ATCAY: variants seen among roughly 807,000 people sequenced by gnomAD.
ATCAY encodes ATCAY kinesin light chain interacting caytaxin, also known as caytaxin.
In ATCAY, 22 loss-of-function variants were observed where a neutral mutation model predicts 47.7. That is an observed-to-expected ratio of 0.46 (90% confidence interval 0.33 to 0.66). The LOEUF is 0.66. ATCAY is among the 30% of genes least tolerant of loss of function. The pLI is 0.02. For synonymous variants in ATCAY, 216 were observed against 207.6 expected (o/e 1.04, Z -0.35); for missense variants, 452 against 515.0 (o/e 0.88, Z 1.18).
chr19:3,925,033 G>C lies in ATCAY; in HGVS notation c.*441G>C, dbSNP rs117035326. The C allele has an allele frequency of 4.3e-3, 702 of 163,536 alleles. 4 individuals are homozygous for C. The highest frequency in any genetic ancestry group is 0.013 in the South Asian group (79 of 5,990). The allele number at this position is 163,536 out of a possible 1,614,324, so 10.1% of individuals were successfully genotyped here. A position where few individuals can be genotyped will look rare whatever the true frequency, so the allele number is the denominator to read the frequency against. On this transcript the variant is annotated 3_prime_UTR_variant, in exon 13 of 13. Transcript: ENST00000450849. This position sits in a 1 kb window ranked among gnomAD's most constrained non-coding sequence, Gnocchi z 4.4. ...CCACCGCCACCCCGGCTGGGTCTGC[G>C]TCCTTTCCTGTGCCTTTCCCTCCAG...
Position 3,907,609 on chromosome 19 carries a change from G to T in ATCAY, c.359-125G>T. The T allele has an allele frequency of 8.5e-7, 1 of 1,171,126 alleles. No homozygotes were observed. Among genetic ancestry groups the T allele is most frequent in the Non-Finnish European group, 1.2e-6 (1 of 827,128 alleles). The allele number at this position is 1,171,126 out of a possible 1,614,324, so 72.5% of individuals were successfully genotyped here. ...ATGGGTCAGCAGGGCAGCCAGGTGG[G>T]GAGAAGCGAAGGACTTGTGGGTCCC... On this transcript the variant is annotated intron_variant, in intron 4 of 12. Transcript: ENST00000450849. This position sits in a 1 kb window ranked among gnomAD's most constrained non-coding sequence, Gnocchi z 5.1.
Position 3,907,136 on chromosome 19 carries a change from A to G in ATCAY, c.359-598A>G, listed in dbSNP as rs1568448925. 6.7e-6 allele frequency among the ~76,000 whole-genome samples: 1 copy of G among 148,700 alleles called. No homozygotes were observed. Among genetic ancestry groups the G allele is most frequent in the Admixed American group, 6.7e-5 (1 of 14,978 alleles). ...GCGATGGAACAAGACTCTCTCAAAA[A>G]AAAAAAAGAAAGAAAAAAAAAAATT... On this transcript the variant is annotated intron_variant, in intron 4 of 12. Transcript: ENST00000450849. The surrounding 1 kb of genome is among the most constrained non-coding windows in gnomAD (Gnocchi z 5.1).
At chr19:3,892,936 C>T (rs1041391265) in intron 2 of ATCAY, among the ~76,000 whole-genome samples, 1 of 152,082 alleles carries the variant, frequency 6.6e-6, no homozygotes, top group African/African-American at 2.4e-5. Flanking sequence ...CTCAATTGTA[C>T]CGATAATGTC....
chr19:3,887,479 T>TTTTA (rs201407506), intron 2 of ATCAY, among the ~76,000 whole-genome samples: 2,974 of 147,502 alleles, frequency 0.02, 100 homozygotes, highest in East Asian at 0.16. Flanking sequence ...ATTTTTTTTA[T>TTTTA]TTTATTTATT....
Position 3,885,810 on chromosome 19 carries a change from G to C in ATCAY, c.43G>C (p.Val15Leu). 1 of 1,552,394 alleles carries C rather than the reference G, an allele frequency of 6.4e-7. No homozygotes were observed. The highest frequency in any genetic ancestry group is 8.7e-7 in the Non-Finnish European group (1 of 1,147,740). The change falls in exon 2 of 13, where the codon GTG becomes CTG. Residue 15 changes from valine to leucine, a missense_variant. Physicochemically the swap from Val to Leu is conservative, Grantham distance 32. Coordinates refer to ENST00000450849, the MANE Select transcript of ATCAY (RefSeq NM_033064.5). The part of the protein sequence containing the change: ...EATLRMENVD[V>L]KEEWQDEDLP... ...CACGCTCCGGATGGAAAACGTGGAC[G>C]TGAAGGAGGAATGGCAGGACGAAGA...
chr19:3,901,888 T>C (rs987435410), intron 2 of ATCAY, among the ~76,000 whole-genome samples: 1 of 151,730 alleles, frequency 6.6e-6, no homozygotes, highest in Non-Finnish European at 1.5e-5. Context: ...CCAGTTTACT[T>C]AGGAGGCTGA....
At chr19:3,922,466 T>C (rs1568454670) in intron 12 of ATCAY, among the ~76,000 whole-genome samples, 1 of 152,142 alleles carries the variant, frequency 6.6e-6, no homozygotes, top group Non-Finnish European at 1.5e-5. Context: ...GAGAACAGCA[T>C]GGAGGTAGCC....
chr19:3,908,646 TC>T (rs1351594889), intron 6 of ATCAY, among the ~76,000 whole-genome samples: 5 of 79,504 alleles, frequency 6.3e-5, no homozygotes, highest in Non-Finnish European at 9.6e-5. Flanking sequence ...CTCCCCTTCT[TC>T]CTCCCCCTTC....
chr19:3,908,206 G>A (rs575267092), intron 5 of ATCAY, 62 bp from the exon 6 acceptor site: 225 of 1,420,412 alleles, frequency 1.6e-4, no homozygotes, highest in Non-Finnish European at 1.9e-4. Flanking sequence ...TGGGTGGTGC[G>A]CGGGAGGCAG....
intron 1 of ATCAY, 64 bp downstream of exon 1, chr19:3,881,072 C>G (rs962344806): frequency 6.6e-6 from 1 of 152,184 alleles, no homozygotes; most frequent in Admixed American, 6.6e-5. Flanking sequence ...TATCCGGCAG[C>G]CTTTGCCGCC....
chr19:3,905,899 G>A (rs1177282082), intron 4 of ATCAY, among the ~76,000 whole-genome samples: 3 of 151,988 alleles, frequency 2.0e-5, no homozygotes, highest in Admixed American at 6.6e-5. Context: ...GTGGCTGGGC[G>A]CAGTGGCTCA....
chr19:3,886,012 G>T (rs1242541300), intron 2 of ATCAY, among the ~76,000 whole-genome samples, 168 bp downstream of exon 2: 1 of 152,204 alleles, frequency 6.6e-6, no homozygotes, highest in East Asian at 1.9e-4. Context: ...GAGGCCCTGT[G>T]TGCGAGTCTT....
chr19:3,890,235 G>A (rs376674266), intron 2 of ATCAY, among the ~76,000 whole-genome samples: 1 of 122,092 alleles, frequency 8.2e-6, no homozygotes, highest in African/African-American at 3.2e-5. Flanking sequence ...ATTGGGCCCA[G>A]CTCCACCTAT....
chr19:3,912,122 G>A (rs1218609595), intron 8 of ATCAY, among the ~76,000 whole-genome samples: 1 of 151,984 alleles, frequency 6.6e-6, no homozygotes. Flanking sequence ...AATAATTGAG[G>A]TTCTTGCCAT....
intron 8 of ATCAY, among the ~76,000 whole-genome samples, chr19:3,912,787 A>T (rs2038934690): frequency 6.6e-6 from 1 of 151,856 alleles, no homozygotes; most frequent in Non-Finnish European, 1.5e-5. Flanking sequence ...TCAGAGGCTG[A>T]GGGAGGAGGA....
chr19:3,896,267 CTTTT>C (rs71166934), intron 2 of ATCAY, among the ~76,000 whole-genome samples: 99 of 141,194 alleles, frequency 7.0e-4, no homozygotes, highest in Admixed American at 1.4e-3. Flanking sequence ...AATCACATCC[CTTTT>C]TTTTTTTTTT....
chr19:3,908,895 C>T (rs2038895366), intron 6 of ATCAY, among the ~76,000 whole-genome samples: 1 of 100,634 alleles, frequency 9.9e-6, no homozygotes, highest in Non-Finnish European at 2.0e-5. Flanking sequence ...CCCTCTCCTC[C>T]CCCTCCCCAT....
chr19:3,922,690 A>G (rs1327155959), intron 12 of ATCAY, among the ~76,000 whole-genome samples: 1 of 152,150 alleles, frequency 6.6e-6, no homozygotes, highest in East Asian at 1.9e-4. Context: ...ACTTTTCTTT[A>G]GAATGTGTGG....
chr19:3,887,397 G>A (rs908723027), intron 2 of ATCAY, among the ~76,000 whole-genome samples: 3 of 152,008 alleles, frequency 2.0e-5, no homozygotes, highest in African/African-American at 7.2e-5. Context: ...GGCAGAGGTT[G>A]CAGCGAGCCA....
Sources: gnomAD v4.1 joint callset for allele counts (sites outside exome capture counted in the v4.1 genomes callset) on GRCh38, gnomAD v4.1.1 for gene constraint, Gnocchi (gnomAD v3.1) non-coding constraint, MANE v1.5 for transcripts, NCBI Gene and HGNC (gene_info 2026-07-23, HGNC 2026-07-21) for gene names.